Variants in GPD2 observed in about 807,000 individuals in gnomAD.
GPD2 encodes the protein glycerol-3-phosphate dehydrogenase, mitochondrial.
GPD2 carries 54 observed loss-of-function variants against 82.4 expected under a neutral mutation model. The observed-to-expected ratio is 0.66, with a 90% CI of 0.53 to 0.82. GPD2 has a LOEUF of 0.82. Among genes scored for constraint, GPD2 ranks in the 40% least tolerant of loss-of-function variants. GPD2 has a pLI of 0.00. For missense variants in GPD2, 748 were observed against 896.2 expected (o/e 0.83, Z 2.11); for synonymous variants, 288 against 306.1 (o/e 0.94, Z 0.62).
chr2:156,480,213 G>A (rs1211298518), intron 2 of GPD2, among the ~76,000 whole-genome samples: 2 of 152,146 alleles, frequency 1.3e-5, no homozygotes, highest in Non-Finnish European at 2.9e-5. Flanking sequence ...ATTAGGAAAA[G>A]GGGTCATGGG....
chr2:156,419,351 G>A, the GPD2 span, among the ~76,000 whole-genome samples: 3 of 152,154 alleles, frequency 2.0e-5, no homozygotes, highest in Non-Finnish European at 2.9e-5. Flanking sequence ...GAGCCACCAC[G>A]CCCAGCCCAG....
intron 12 of GPD2, 126 bp downstream of exon 12, chr2:156,570,344 A>G (rs922211441): frequency 1.2e-6 from 1 of 807,986 alleles, no homozygotes; most frequent in Non-Finnish European, 2.1e-6. Flanking sequence ...AACCAGGACT[A>G]CTATGTCTTT....
intron 9 of GPD2, among the ~76,000 whole-genome samples, chr2:156,560,156 G>A (rs1212775679): frequency 6.6e-6 from 1 of 152,210 alleles, no homozygotes; most frequent in African/African-American, 2.4e-5. Context: ...GAAGCTGGAT[G>A]TGCTGGAAGC....
chr2:156,553,260 T>C (rs1385425476), intron 8 of GPD2, among the ~76,000 whole-genome samples: 2 of 152,248 alleles, frequency 1.3e-5, no homozygotes, highest in East Asian at 3.9e-4. Flanking sequence ...CTCTGTTTTA[T>C]AGAGTGCTGT....
the GPD2 span, among the ~76,000 whole-genome samples, chr2:156,423,258 T>C: frequency 3.9e-5 from 6 of 152,210 alleles, no homozygotes; most frequent in African/African-American, 9.7e-5. Context: ...CTATAGCAAG[T>C]TATTAGGTTG....
intron 1 of GPD2, among the ~76,000 whole-genome samples, chr2:156,474,214 T>A (rs1243712127): frequency 2.0e-5 from 3 of 152,046 alleles, no homozygotes; most frequent in East Asian, 1.9e-4. Context: ...AAGAAAAAAA[T>A]TTTAAAAATG....
At chr2:156,487,675 G>A (rs1683998498) in intron 2 of GPD2, among the ~76,000 whole-genome samples, 1 of 152,222 alleles carries the variant, frequency 6.6e-6, no homozygotes, top group South Asian at 2.1e-4. Context: ...AGGGGTGTGA[G>A]CTGGCAGCTT....
chr2:156,520,796 G>C (rs1198597971), intron 6 of GPD2, among the ~76,000 whole-genome samples: 1 of 152,014 alleles, frequency 6.6e-6, no homozygotes, highest in East Asian at 1.9e-4. Flanking sequence ...ATGTTGCCCA[G>C]GGTGGTTTCG....
intron 1 of GPD2, among the ~76,000 whole-genome samples, chr2:156,452,999 C>G (rs1285000594): frequency 6.6e-6 from 1 of 152,080 alleles, no homozygotes; most frequent in Admixed American, 6.6e-5. Context: ...AGGGGTGAAA[C>G]AGGTTTGGGA....
At chr2:156,541,012 G>A (rs994222399) in intron 6 of GPD2, among the ~76,000 whole-genome samples, 12 of 152,166 alleles carry the variant, frequency 7.9e-5, no homozygotes, top group African/African-American at 2.7e-4. Context: ...TTGCTTTCCA[G>A]CAATTCCTTT....
At chr2:156,536,712 A>C (rs1686097032) in intron 6 of GPD2, among the ~76,000 whole-genome samples, 1 of 152,218 alleles carries the variant, frequency 6.6e-6, no homozygotes, top group Admixed American at 6.5e-5. Flanking sequence ...AGCCTGTCTG[A>C]TCAGGCTTCC....
At position 156,496,231 on chromosome 2, in the gene GPD2, T is replaced by C; in HGVS notation, c.274+16T>C. ...GTCACCAGAGGTAAGTCTTTTTTTT[T>C]TTTATTTTAATTTTAAGTTCTGGGG... On this transcript the variant is annotated intron_variant, in intron 3 of 16. Transcript: ENST00000438166. 1 of 1,572,464 alleles carries C rather than the reference T, an allele frequency of 6.4e-7. No homozygotes were observed. The highest frequency in any genetic ancestry group is 8.7e-7 in the Non-Finnish European group (1 of 1,144,438).
rs1394746412 is a variant in GPD2, at chr2:156,583,722, T to C, written c.*804T>C. The stretch of plus-strand genomic sequence containing the variant: ...ATAGTTGCCAGGAAGATCCTTGCTC[T>C]TCTTACTTTAAAACCAGCATTTAAG... On this transcript the variant is annotated 3_prime_UTR_variant, in exon 17 of 17. Transcript: ENST00000438166. The C allele has an allele frequency of 6.6e-6, 1 of 152,536 alleles. No individual in the cohort carries two copies. The highest frequency in any genetic ancestry group is 1.9e-4 in the East Asian group (1 of 5,186). The allele number at this position is 152,536 out of a possible 1,614,324, so 9.4% of individuals were successfully genotyped here.
At chr2:156,511,190 A>G (rs1375888878) in intron 4 of GPD2, among the ~76,000 whole-genome samples, 1 of 152,178 alleles carries the variant, frequency 6.6e-6, no homozygotes, top group Non-Finnish European at 1.5e-5. Flanking sequence ...CCTTTTAACA[A>G]TTGTGTTTGG....
At chr2:156,454,360 A>C (rs1387286515) in intron 1 of GPD2, among the ~76,000 whole-genome samples, 1 of 152,204 alleles carries the variant, frequency 6.6e-6, no homozygotes, top group African/African-American at 2.4e-5. Context: ...ACTAGACCTA[A>C]GTATGAGAAT....
At chr2:156,496,781 A>G (rs953532664) in intron 3 of GPD2, among the ~76,000 whole-genome samples, 16 of 152,164 alleles carry the variant, frequency 1.1e-4, no homozygotes, top group African/African-American at 2.9e-4. Context: ...TTGAAATCAC[A>G]TATCAGTCAA....
At chr2:156,533,996 C>T (rs532273088) in intron 6 of GPD2, among the ~76,000 whole-genome samples, 3 of 152,228 alleles carry the variant, frequency 2.0e-5, no homozygotes, top group Non-Finnish European at 2.9e-5. Context: ...TTAACCAGCT[C>T]AGTGCCCTCT....
At chr2:156,529,970 G>T (rs1024443849) in intron 6 of GPD2, among the ~76,000 whole-genome samples, 18 of 152,012 alleles carry the variant, frequency 1.2e-4, no homozygotes, top group African/African-American at 4.1e-4. Flanking sequence ...TTCCAATTCT[G>T]TGAAGAAAGT....
In GPD2 at chr2:156,516,378, C is replaced by T. The variant is rs992121029; in HGVS notation, c.661+2882C>T. On this transcript the variant is annotated intron_variant, in intron 6 of 16. Coordinates refer to ENST00000438166, the MANE Select transcript of GPD2 (RefSeq NM_000408.5). ...CAGAAATAATTTTTATAACTCCCAC[C>T]AAGGGAGAATTTTGAATCTGATGAG... Among the ~76,000 whole-genome samples, 9 of 152,228 alleles carry T rather than the reference C, an allele frequency of 5.9e-5. No individual in the cohort carries two copies. In the South Asian group the frequency reaches 1.7e-3, roughly 28 times the overall value.
Sources: gnomAD v4.1 joint callset for allele counts (sites outside exome capture counted in the v4.1 genomes callset) on GRCh38, gnomAD v4.1.1 for gene constraint, MANE v1.5 for transcripts, NCBI Gene and HGNC (gene_info 2026-07-23, HGNC 2026-07-21) for gene names.